The following CREBZF variants were observed in gnomAD, a reference collection of about 807,000 sequenced individuals.
The protein encoded by CREBZF is CREB/ATF bZIP transcription factor, also known as HCF-binding transcription factor Zhangfei.
CREBZF carries 8 observed loss-of-function variants against 21.1 expected under a neutral mutation model. That is an observed-to-expected ratio of 0.38 (90% CI 0.22 to 0.68). The LOEUF (loss-of-function observed/expected upper bound fraction) is 0.68, where lower values mean the gene tolerates loss of function less well. Among genes scored for constraint, CREBZF ranks in the 30% least tolerant of loss-of-function variants. The probability of loss-of-function intolerance (pLI) is 0.51; values close to 1 mark genes in which losing one functional copy is unlikely to be tolerated. For synonymous variants in CREBZF, 270 were observed against 223.3 expected, an observed-to-expected ratio of 1.21 and a Z score of -1.86; for missense variants, 518 against 484.3, an observed-to-expected ratio of 1.07 and a Z score of -0.65.
chr11:85,669,378 G>C (rs2082895709), upstream of CREBZF, among the ~76,000 whole-genome samples: 1 of 149,788 alleles, frequency 6.7e-6, no homozygotes, highest in South Asian at 2.1e-4. Context: ...ACCAAAGCAA[G>C]AAAATAATTT....
chr11:85,664,306 T>A lies in CREBZF; in HGVS notation c.570A>T (p.Pro190=). Reference sequence around the variant, plus strand: ...CGCTGCCGCCACCGCCGCCTCCTCCTGGGGACTTTCTCCGCCTCTTTTCGG... The same window carrying A: ...CGCTGCCGCCACCGCCGCCTCCTCCAGGGGACTTTCTCCGCCTCTTTTCGG... ...GSAEKRRRKS[P]GGGGGGGSGN... The change falls in exon 1 of 1, where the codon CCA becomes CCT. Residue 190 remains proline (P), a synonymous_variant. Coordinates refer to ENST00000527447, the MANE Select transcript of CREBZF (RefSeq NM_001039618.4). The surrounding 1 kb of genome is among the most constrained non-coding windows in gnomAD (Gnocchi z 5.5). The A allele has an allele frequency of 6.2e-7, 1 of 1,612,060 alleles. No homozygotes were observed. Among genetic ancestry groups the A allele is most frequent in the Non-Finnish European group, 8.5e-7 (1 of 1,179,380 alleles).
In CREBZF at chr11:85,665,094, G is replaced by A. The variant is rs959667508; in HGVS notation, c.-219C>T. On this transcript the variant is annotated 5_prime_UTR_variant, in exon 1 of 1. Coordinates refer to ENST00000527447, the MANE Select transcript of CREBZF (RefSeq NM_001039618.4). ...AAGCGGTGAGGCCCTGCGATGACTCGACCGCGCCACCCAGACAACGGCGTA... is the reference window on the plus strand; with the variant it reads ...AAGCGGTGAGGCCCTGCGATGACTCAACCGCGCCACCCAGACAACGGCGTA... 2.4e-6 allele frequency: 1 copy of A among 421,722 alleles called. No individual in the cohort carries two copies. The highest frequency in any genetic ancestry group is 4.3e-6 in the Non-Finnish European group (1 of 232,520). 26.1% of individuals were successfully genotyped at this position (421,722 alleles called of 1,614,324 possible).
Position 85,660,663 on chromosome 11 carries a change from T to C in CREBZF, c.*3148A>G. On this transcript the variant is annotated 3_prime_UTR_variant, in exon 1 of 1. Coordinates refer to ENST00000527447, the MANE Select transcript of CREBZF (RefSeq NM_001039618.4). ...AAAATGCACAAATATTTAAAATATT[T>C]TGAACACTTCTTGTTGGATTATATC... 1 of 449,382 alleles carries C rather than the reference T, an allele frequency of 2.2e-6. No individual in the cohort carries two copies. Among genetic ancestry groups the C allele is most frequent in the Admixed American group, 2.4e-5 (1 of 40,908 alleles). 27.8% of individuals were successfully genotyped at this position (449,382 alleles called of 1,614,324 possible).
chr11:85,669,434 A>T (rs867317325), upstream of CREBZF, among the ~76,000 whole-genome samples: 1 of 145,870 alleles, frequency 6.9e-6, no homozygotes, highest in African/African-American at 2.5e-5. Flanking sequence ...ACACACACAC[A>T]CACACTCACA....
chr11:85,669,817 T>C (rs983129059), upstream of CREBZF, among the ~76,000 whole-genome samples: 1 of 152,162 alleles, frequency 6.6e-6, no homozygotes, highest in African/African-American at 2.4e-5. Context: ...TTTGTTTGTT[T>C]GTTTGTTTGA....
At chr11:85,682,593 C>G in intron 1 of CREBZF, 1 of 459,920 alleles carries the variant, frequency 2.2e-6, no homozygotes, top group South Asian at 2.2e-5. Flanking sequence ...CGCGCCCCTA[C>G]CCCCTGCCCT....
Position 85,662,123 on chromosome 11 carries a change from A to C in CREBZF, c.*1688T>G, listed in dbSNP as rs1293452568. On this transcript the variant is annotated 3_prime_UTR_variant, in exon 1 of 1. Coordinates refer to ENST00000527447, the MANE Select transcript of CREBZF (RefSeq NM_001039618.4). ...CCCATTCATGCTCAAGTGCAGTAGT[A>C]GATGATTTTACAAAATATGCTGTGA... 4.9e-6 allele frequency: 2 copies of C among 406,138 alleles called. No individual in the cohort carries two copies. The highest frequency in any genetic ancestry group is 9.5e-6 in the Non-Finnish European group (2 of 210,172). The allele number at this position is 406,138 out of a possible 1,614,324, so 25.2% of individuals were successfully genotyped here. A position where few individuals can be genotyped will look rare whatever the true frequency, so the allele number is the denominator to read the frequency against.
chr11:85,664,922 C>T lies in CREBZF; in HGVS notation c.-47G>A. 7.5e-7 allele frequency: 1 copy of T among 1,334,310 alleles called. No homozygotes were observed. Among genetic ancestry groups the T allele is most frequent in the Non-Finnish European group, 9.8e-7 (1 of 1,021,280 alleles). 82.7% of individuals were successfully genotyped at this position (1,334,310 alleles called of 1,614,324 possible). On this transcript the variant is annotated 5_prime_UTR_variant, in exon 1 of 1. Transcript: ENST00000527447. The surrounding 1 kb of genome is among the most constrained non-coding windows in gnomAD (Gnocchi z 5.5). The stretch of plus-strand genomic sequence containing the variant: ...GTAGGCCCCGGCCGCTAAGAGTGGG[C>T]CTCACGGGCCCCAAGGATCCCAGGC...
upstream of CREBZF, among the ~76,000 whole-genome samples, chr11:85,667,352 C>T (rs1437681241): frequency 1.3e-5 from 2 of 152,190 alleles, no homozygotes; most frequent in African/African-American, 2.4e-5. Flanking sequence ...GGATTGCAGG[C>T]GCAAGCCACT....
In CREBZF at chr11:85,664,595, T is replaced by TC. The variant is rs753925270; in HGVS notation, c.280dup (p.Glu94GlyfsTer32). 6.2e-7 allele frequency: 1 copy of TC among 1,613,386 alleles called. No homozygotes were observed. Among genetic ancestry groups the TC allele is most frequent in the African/African-American group, 1.3e-5 (1 of 74,806 alleles). ...CAGAAAGTCCATATCCTCCGTCTCT[T>TC]CCCCCGGGAGGCTGGCGATCGCCTC... On this transcript the variant is annotated frameshift_variant, in exon 1 of 1. Coordinates refer to ENST00000527447, the MANE Select transcript of CREBZF (RefSeq NM_001039618.4). LOFTEE classifies it high-confidence loss of function. This position sits in a 1 kb window ranked among gnomAD's most constrained non-coding sequence, Gnocchi z 5.5.
upstream of CREBZF, among the ~76,000 whole-genome samples, chr11:85,665,397 A>G (rs1189543326): frequency 6.6e-6 from 1 of 151,788 alleles, no homozygotes; most frequent in African/African-American, 2.4e-5. Context: ...GAATCATCCT[A>G]AAGTTGCAGA....
chr11:85,665,225 A>T (rs1419390348), upstream of CREBZF: 1 of 284,812 alleles, frequency 3.5e-6, no homozygotes, highest in Non-Finnish European at 6.8e-6. Context: ...GAATAATTCC[A>T]GCTTTCTAGT....
chr11:85,658,259 C>T lies in CREBZF; in HGVS notation c.*5552G>A, dbSNP rs911666799. Reference sequence around the variant, plus strand: ...ATAACTAAGTTCTTTGACGATTGAGCACACATTGTTTCCTTACTTATCTTT... The same window carrying T: ...ATAACTAAGTTCTTTGACGATTGAGTACACATTGTTTCCTTACTTATCTTT... On this transcript the variant is annotated 3_prime_UTR_variant, in exon 1 of 1. Coordinates refer to ENST00000527447, the MANE Select transcript of CREBZF (RefSeq NM_001039618.4). Among the ~76,000 whole-genome samples the T allele has an allele frequency of 6.6e-6, 1 of 151,994 alleles. No individual in the cohort carries two copies. Among genetic ancestry groups the T allele is most frequent in the Admixed American group, 6.6e-5 (1 of 15,258 alleles).
At chr11:85,671,465 A>G (rs924205544) in intron 1 of CREBZF, among the ~76,000 whole-genome samples, 8 of 152,150 alleles carry the variant, frequency 5.3e-5, no homozygotes, top group South Asian at 2.1e-4. Flanking sequence ...CATTAACTCA[A>G]AAGTCCACAG....
chr11:85,666,928 A>G (rs188372711), upstream of CREBZF, among the ~76,000 whole-genome samples: 22 of 152,380 alleles, frequency 1.4e-4, no homozygotes, highest in African/African-American at 5.0e-4. Flanking sequence ...GTTCAAGGTG[A>G]TATATGTATA....
Position 85,662,163 on chromosome 11 carries a change from A to C in CREBZF, c.*1648T>G. 1 of 497,000 alleles carries C rather than the reference A, an allele frequency of 2.0e-6. No homozygotes were observed. The highest frequency in any genetic ancestry group is 3.8e-6 in the Non-Finnish European group (1 of 264,276). 30.8% of individuals were successfully genotyped at this position (497,000 alleles called of 1,614,324 possible). ...ATATGCTGTGATGCACTGGAAACCA[A>C]AGACCAATTCAGGTCTCAAATCGTA... is the stretch of plus-strand genomic sequence containing the variant. On this transcript the variant is annotated 3_prime_UTR_variant, in exon 1 of 1. Coordinates refer to ENST00000527447, the MANE Select transcript of CREBZF (RefSeq NM_001039618.4).
At position 85,664,558 on chromosome 11, in the gene CREBZF, T is replaced by G; in HGVS notation, c.318A>C (p.Glu106Asp). 10 of 1,613,700 alleles carry G rather than the reference T, an allele frequency of 6.2e-6. No homozygotes were observed. Among genetic ancestry groups the G allele is most frequent in the Non-Finnish European group, 8.5e-6 (10 of 1,179,924 alleles). Reference protein sequence around the residue: ...TEDMDFLSGLELADLLDPRQP... With the variant: ...TEDMDFLSGLDLADLLDPRQP... ...GCCTGGGGTCCAGGAGATCCGCCAGTTCCAGCCCAGACAGAAAGTCCATAT... is the reference window on the plus strand; with the variant it reads ...GCCTGGGGTCCAGGAGATCCGCCAGGTCCAGCCCAGACAGAAAGTCCATAT... The change falls in exon 1 of 1, where the codon GAA becomes GAC. Residue 106 changes from glutamate to aspartate, a missense_variant. By Grantham distance (45) the Glu-to-Asp change is conservative. This residue lies in a region of CREBZF where 396 missense variants were observed against 324.4 expected (regional missense o/e 1.22). Transcript: ENST00000527447. The surrounding 1 kb of genome is among the most constrained non-coding windows in gnomAD (Gnocchi z 5.5).
chr11:85,668,832 C>G (rs556846227), upstream of CREBZF, among the ~76,000 whole-genome samples: 2 of 150,550 alleles, frequency 1.3e-5, no homozygotes, highest in South Asian at 4.2e-4. Flanking sequence ...GAAACCCCGT[C>G]TCTACTAAAA....
chr11:85,668,180 CTT>C (rs2082885721), upstream of CREBZF, among the ~76,000 whole-genome samples: 1 of 152,112 alleles, frequency 6.6e-6, no homozygotes, highest in Admixed American at 6.5e-5. Flanking sequence ...GCAAGTCCCT[CTT>C]TGTTACTTGT....
Sources: gnomAD v4.1 joint callset for allele counts (sites outside exome capture counted in the v4.1 genomes callset) on GRCh38, gnomAD v4.1.1 for gene constraint, gnomAD v4.1.1 regional missense constraint, Gnocchi (gnomAD v3.1) non-coding constraint, MANE v1.5 for transcripts, NCBI Gene and HGNC (gene_info 2026-07-23, HGNC 2026-07-21) for gene names.